Variants in BATF2 observed in about 807,000 individuals in gnomAD.
BATF2 encodes basic leucine zipper ATF-like transcription factor 2, also known as basic leucine zipper transcriptional factor ATF-like 2.
A neutral mutation model predicts 7.3 loss-of-function variants in BATF2; 4 were observed. The observed-to-expected ratio is 0.55, with a 90% CI of 0.27 to 1.26. The LOEUF (loss-of-function observed/expected upper bound fraction) is 1.26. Ranked by LOEUF, BATF2 falls within the 50% of genes most tolerant of loss-of-function variation. The probability of loss-of-function intolerance (pLI) is 0.11; values close to 1 mark genes in which losing one functional copy is unlikely to be tolerated. For synonymous variants in BATF2, 152 were observed against 153.9 expected, an observed-to-expected ratio of 0.99 and a Z score of 0.09; for missense variants, 295 against 340.5, an observed-to-expected ratio of 0.87 and a Z score of 1.05.
At chr11:64,995,953 C>T (rs535426087) in intron 1 of BATF2, among the ~76,000 whole-genome samples, 3 of 152,038 alleles carry the variant, frequency 2.0e-5, no homozygotes, top group East Asian at 3.9e-4. Flanking sequence ...TATTATTTTA[C>T]TTTATTTTAT....
rs781375669 is a variant in BATF2 at position 64,989,482 on chromosome 11, G to T, written c.472C>A (p.Leu158Ile). ...LLQCPLPSLS[L>I]GPAVVAEPPV... ...GGTTCAGCAACCACAGCGGGGCCAA[G>T]GGACAGTGAGGGCAGGGGGCACTGG... is the stretch of plus-strand genomic sequence containing the variant. Residue 158 changes from leucine (L) to isoleucine (I), a missense_variant, in exon 3 of 3, where the codon CTT (leucine) becomes ATT (isoleucine). Coordinates refer to ENST00000301887, the MANE Select transcript of BATF2 (RefSeq NM_138456.4). The surrounding 1 kb of genome is among the most constrained non-coding windows in gnomAD (Gnocchi z 4.3). 2 of 1,610,046 alleles carry T rather than the reference G, an allele frequency of 1.2e-6. No individual in the cohort carries two copies. The highest frequency in any genetic ancestry group is 1.7e-6 in the Non-Finnish European group (2 of 1,178,210).
chr11:64,988,811 T>G lies in BATF2; in HGVS notation c.*318A>C. 2 of 350,384 alleles carry G rather than the reference T, an allele frequency of 5.7e-6. No individual in the cohort carries two copies. Among genetic ancestry groups the G allele is most frequent in the Non-Finnish European group, 1.1e-5 (2 of 186,030 alleles). The allele number at this position is 350,384 out of a possible 1,614,324, so 21.7% of individuals were successfully genotyped here. A position where few individuals can be genotyped will look rare whatever the true frequency, so the allele number is the denominator to read the frequency against. ...GGACAGGAGAAGGAGGAGCAGAGGGTGGTGTTTCGGGCTCCAAGAAAGTCT... is the reference window on the plus strand; with the variant it reads ...GGACAGGAGAAGGAGGAGCAGAGGGGGGTGTTTCGGGCTCCAAGAAAGTCT... On this transcript the variant is annotated 3_prime_UTR_variant, in exon 3 of 3. Transcript: ENST00000301887.
At chr11:64,990,980 C>A (rs537607876) in intron 2 of BATF2, among the ~76,000 whole-genome samples, 4 of 151,086 alleles carry the variant, frequency 2.6e-5, no homozygotes, top group Non-Finnish European at 5.9e-5. Context: ...TTAGTAGAGA[C>A]GGGGTTTCAC....
At chr11:64,990,204 T>C in intron 2 of BATF2, 2 of 1,535,704 alleles carry the variant, frequency 1.3e-6, no homozygotes, top group Non-Finnish European at 1.7e-6. Flanking sequence ...AAATTCCCTG[T>C]GGTAGAATTC....
At chr11:64,993,963 C>A (rs1352686115) in intron 2 of BATF2, among the ~76,000 whole-genome samples, 12 of 152,044 alleles carry the variant, frequency 7.9e-5, no homozygotes, top group Admixed American at 5.9e-4. Flanking sequence ...GCCCAGCTAA[C>A]TATTTTTTAA....
Position 64,989,581 on chromosome 11 carries a change from G to A in BATF2, c.373C>T (p.Gln125Ter). ...HGCREQLELF[Q>*]TPGSCYPAQP... ...GCTGGGTAACAGGAACCCGGGGTCT[G>A]GAACAGCTCCAGCTGCTCCCGGCAG... The change falls in exon 3 of 3, where the codon CAG becomes TAG. Residue 125 changes from glutamine to a stop codon, truncating the protein, a stop_gained. Coordinates refer to ENST00000301887, the MANE Select transcript of BATF2 (RefSeq NM_138456.4). LOFTEE classifies it low-confidence loss of function (END_TRUNC). The surrounding 1 kb of genome is among the most constrained non-coding windows in gnomAD (Gnocchi z 4.3). The A allele has an allele frequency of 6.3e-7, 1 of 1,595,514 alleles. No homozygotes were observed. Among genetic ancestry groups the A allele is most frequent in the Non-Finnish European group, 8.5e-7 (1 of 1,171,658 alleles).
intron 2 of BATF2, chr11:64,990,524 C>A (rs757686961): frequency 1.3e-5 from 15 of 1,131,984 alleles, no homozygotes; most frequent in Non-Finnish European, 1.6e-5. Context: ...TGAGTGTGTT[C>A]GATTCTGCAT....
Position 64,994,447 on chromosome 11 carries a change from C to A in BATF2, c.141+1G>T. ...GGAAAGGGGTTAGGGGTTGTCCACA[C>A]CTGGTGCAGGGCGTCTGCCTTGTCT... On this transcript the variant is annotated splice_donor_variant, in intron 2 of 2. Transcript: ENST00000301887. LOFTEE classifies it high-confidence loss of function. The A allele has an allele frequency of 6.3e-7, 1 of 1,575,504 alleles. No individual in the cohort carries two copies. Among genetic ancestry groups the A allele is most frequent in the Non-Finnish European group, 8.6e-7 (1 of 1,160,044 alleles).
At position 64,988,876 on chromosome 11, in the gene BATF2, A is replaced by G. The variant is rs1303691403; in HGVS notation, c.*253T>C. The G allele has an allele frequency of 2.0e-6, 1 of 512,574 alleles. No individual in the cohort carries two copies. The highest frequency in any genetic ancestry group is 3.5e-6 in the Non-Finnish European group (1 of 284,620). The allele number at this position is 512,574 out of a possible 1,614,324, so 31.8% of individuals were successfully genotyped here. The stretch of plus-strand genomic sequence containing the variant: ...TTGTCACTTGGCTTCCCTGAGCCTC[A>G]GTTTCCTTGTCTGAAAAAGTGGAGT... On this transcript the variant is annotated 3_prime_UTR_variant, in exon 3 of 3. Transcript: ENST00000301887.
At chr11:64,996,149 C>G (rs866287065) in intron 1 of BATF2, among the ~76,000 whole-genome samples, 2 of 151,876 alleles carry the variant, frequency 1.3e-5, no homozygotes, top group African/African-American at 4.8e-5. Flanking sequence ...TTAATAGAGA[C>G]GGGGTTTCAC....
At chr11:64,994,578 G>C in intron 1 of BATF2, 29 bp from the exon 2 acceptor site, 1 of 1,569,708 alleles carries the variant, frequency 6.4e-7, no homozygotes, top group Non-Finnish European at 8.6e-7. Flanking sequence ...AGGACTCAGG[G>C]GGCCCAGCCA....
chr11:64,989,690 ACAATCCATGGGGCACAGGCGCTCATGCAC>A lies in BATF2; in HGVS notation c.235_263del (p.Val79CysfsTer16). 6.8e-6 allele frequency: 11 copies of A among 1,613,898 alleles called. No individual in the cohort carries two copies. Among genetic ancestry groups the A allele is most frequent in the Non-Finnish European group, 9.3e-6 (11 of 1,179,976 alleles). Reference sequence around the variant, plus strand: ...GGAGCCCTGGAGCTGAGCAGGAGGCACAATCCATGGGGCACAGGCGCTCATGCACGTGCAGGGTCCGGCTCCACCACGCC... The same window carrying A: ...GGAGCCCTGGAGCTGAGCAGGAGGCAGTGCAGGGTCCGGCTCCACCACGCC... On this transcript the variant is annotated frameshift_variant, in exon 3 of 3. Transcript: ENST00000301887. LOFTEE classifies it low-confidence loss of function (END_TRUNC). The surrounding 1 kb of genome is among the most constrained non-coding windows in gnomAD (Gnocchi z 4.3).
In BATF2 at chr11:64,994,574, CA is replaced by C. The variant is rs756160658; in HGVS notation, c.40-26del. On this transcript the variant is annotated intron_variant, in intron 1 of 2. Coordinates refer to ENST00000301887, the MANE Select transcript of BATF2 (RefSeq NM_138456.4). ...CCTGTGGGGCATGAGGCAGAGGACT[CA>C]GGGGGCCCAGCCAGGCCTTGTGCCC... The C allele has an allele frequency of 5.1e-5, 80 of 1,571,324 alleles. No individual in the cohort carries two copies. The East Asian group carries it at 1.8e-3, about 36-fold the overall frequency.
chr11:64,989,713 C>T lies in BATF2; in HGVS notation c.241G>A (p.Glu81Lys). ...AWWSRTLHVHERLCPMDCASC... is the reference protein window; with the variant it reads ...AWWSRTLHVHKRLCPMDCASC... Reference sequence around the variant, plus strand: ...GCACAATCCATGGGGCACAGGCGCTCATGCACGTGCAGGGTCCGGCTCCAC... The same window carrying T: ...GCACAATCCATGGGGCACAGGCGCTTATGCACGTGCAGGGTCCGGCTCCAC... Residue 81 changes from glutamate to lysine, a missense_variant, in exon 3 of 3, where the codon GAG becomes AAG. Glu to Lys is a moderately conservative substitution (Grantham distance 56, BLOSUM62 1). Coordinates refer to ENST00000301887, the MANE Select transcript of BATF2 (RefSeq NM_138456.4). The surrounding 1 kb of genome is among the most constrained non-coding windows in gnomAD (Gnocchi z 4.3). 2.5e-6 allele frequency: 4 copies of T among 1,613,958 alleles called. No homozygotes were observed. The highest frequency in any genetic ancestry group is 3.4e-6 in the Non-Finnish European group (4 of 1,179,990).
chr11:64,991,904 C>T (rs1037484823), intron 2 of BATF2, among the ~76,000 whole-genome samples: 1 of 152,218 alleles, frequency 6.6e-6, no homozygotes, highest in African/African-American at 2.4e-5. Flanking sequence ...CTCACCTGGT[C>T]TACAGGGTGC....
At chr11:64,993,221 G>A (rs1287553696) in intron 2 of BATF2, among the ~76,000 whole-genome samples, 6 of 152,172 alleles carry the variant, frequency 3.9e-5, no homozygotes, top group South Asian at 2.1e-4. Flanking sequence ...TTAGGTGGGC[G>A]TAGTGGCGCA....
rs1006886096 is a variant in BATF2, at chr11:64,988,869, G to A, written c.*260C>T. 14 of 503,518 alleles carry A rather than the reference G, an allele frequency of 2.8e-5. No individual in the cohort carries two copies. Among genetic ancestry groups the A allele is most frequent in the Non-Finnish European group, 4.7e-5 (13 of 279,118 alleles). 31.2% of individuals were successfully genotyped at this position (503,518 alleles called of 1,614,324 possible). A position where few individuals can be genotyped will look rare whatever the true frequency, so the allele number is the denominator to read the frequency against. ...CTTGGACTTGTCACTTGGCTTCCCTGAGCCTCAGTTTCCTTGTCTGAAAAA... is the reference window on the plus strand; with the variant it reads ...CTTGGACTTGTCACTTGGCTTCCCTAAGCCTCAGTTTCCTTGTCTGAAAAA... On this transcript the variant is annotated 3_prime_UTR_variant, in exon 3 of 3. Transcript: ENST00000301887.
At chr11:64,990,193 C>G (rs1565166155) in intron 2 of BATF2, 2 of 1,535,720 alleles carry the variant, frequency 1.3e-6, no homozygotes, top group Non-Finnish European at 1.7e-6. Context: ...AGGCACCCAC[C>G]AAATTCCCTG....
At position 64,989,631 on chromosome 11, in the gene BATF2, C is replaced by T. The variant is rs574274745; in HGVS notation, c.323G>A (p.Gly108Asp). The change falls in exon 3 of 3, where the codon GGC (glycine) becomes GAC (aspartate). Residue 108 changes from glycine (G) to aspartate (D), a missense_variant. Gly to Asp is a moderately conservative substitution (Grantham distance 94). Transcript: ENST00000301887. The surrounding 1 kb of genome is among the most constrained non-coding windows in gnomAD (Gnocchi z 4.3). ...GCWDQAEGLL[G>D]PGPQGQHGCR... ...GCCATGTTGTCCCTGTGGGCCAGGG[C>T]CCAGGAGCCCCTCAGCCTGGTCCCA... The T allele has an allele frequency of 1.1e-5, 17 of 1,611,678 alleles. No individual in the cohort carries two copies. The South Asian group carries it at 1.8e-4, about 17-fold the overall frequency.
Sources: gnomAD v4.1 joint callset for allele counts (sites outside exome capture counted in the v4.1 genomes callset) on GRCh38, gnomAD v4.1.1 for gene constraint, Gnocchi (gnomAD v3.1) non-coding constraint, MANE v1.5 for transcripts, NCBI Gene and HGNC (gene_info 2026-07-23, HGNC 2026-07-21) for gene names.